The following AGPAT5 variants were observed in gnomAD, a reference collection of about 807,000 sequenced individuals.
AGPAT5 encodes 1-acyl-sn-glycerol-3-phosphate acyltransferase epsilon.
In AGPAT5, 46 loss-of-function variants were observed where a neutral mutation model predicts 45.6. That is an observed-to-expected ratio of 1.01 (90% CI 0.80 to 1.29). The LOEUF is 1.29. Ranked by LOEUF, AGPAT5 falls within the 50% of genes most tolerant of loss-of-function variation. AGPAT5 has a pLI of 0.00. For missense variants in AGPAT5, 673 were observed against 450.7 expected, an observed-to-expected ratio of 1.49 and a Z score of -4.47; for synonymous variants, 272 against 167.0, an observed-to-expected ratio of 1.63 and a Z score of -4.85.
At chr8:6,710,864 T>C (rs568070907) in intron 1 of AGPAT5, among the ~76,000 whole-genome samples, 2 of 152,322 alleles carry the variant, frequency 1.3e-5, no homozygotes, top group Admixed American at 6.5e-5. Context: ...GTCACTGAGA[T>C]GTTTTGATTA....
At chr8:6,746,945 C>T (rs1327869610) in intron 5 of AGPAT5, among the ~76,000 whole-genome samples, 1 of 152,134 alleles carries the variant, frequency 6.6e-6, no homozygotes, top group African/African-American at 2.4e-5. Flanking sequence ...GGGATTTGTT[C>T]TGGATAATTG....
chr8:6,734,738 GA>G (rs1442060922), intron 4 of AGPAT5, among the ~76,000 whole-genome samples: 2 of 152,004 alleles, frequency 1.3e-5, no homozygotes, highest in Non-Finnish European at 2.9e-5. Context: ...CCTGGAAATG[GA>G]TAGACTTGTC....
At chr8:6,717,978 A>C (rs1272790541) in intron 1 of AGPAT5, among the ~76,000 whole-genome samples, 1 of 152,216 alleles carries the variant, frequency 6.6e-6, no homozygotes. Flanking sequence ...TTTCTCTGCC[A>C]TTCCGTATGT....
intron 4 of AGPAT5, among the ~76,000 whole-genome samples, chr8:6,736,723 A>G (rs1801064616): frequency 6.6e-6 from 1 of 152,210 alleles, no homozygotes; most frequent in Non-Finnish European, 1.5e-5. Context: ...CGAGATTCTG[A>G]GTTGAAGGTG....
rs2116969727 is a variant in AGPAT5 at position 6,755,949 on chromosome 8, A to G, written c.869+775A>G. Among the ~76,000 whole-genome samples the G allele has an allele frequency of 2.6e-5, 4 of 152,358 alleles. No homozygotes were observed. The Middle Eastern group carries it at 0.01, about 389-fold the overall frequency. On this transcript the variant is annotated intron_variant, in intron 7 of 7. Coordinates refer to ENST00000285518, the MANE Select transcript of AGPAT5 (RefSeq NM_018361.5). ...CCCATGGAAGAAATTTAAAAGTAAG[A>G]TCTACATGTATTGACATGAAAATAT...
Position 6,735,433 on chromosome 8 carries a change from C to A in AGPAT5, c.495+2783C>A, listed in dbSNP as rs184493088. On this transcript the variant is annotated intron_variant, in intron 4 of 7. Coordinates refer to ENST00000285518, the MANE Select transcript of AGPAT5 (RefSeq NM_018361.5). ...GAGCCTGTGAAATGTGCTGCATTCTCCTTGTGTCTGTAGCCCAGGGGTTCG... is the reference window on the plus strand; with the variant it reads ...GAGCCTGTGAAATGTGCTGCATTCTACTTGTGTCTGTAGCCCAGGGGTTCG... Among the ~76,000 whole-genome samples the A allele has an allele frequency of 5.9e-5, 9 of 152,316 alleles. No individual in the cohort carries two copies. The East Asian group carries it at 1.7e-3, about 29-fold the overall frequency.
At chr8:6,716,203 A>C (rs1480737303) in intron 1 of AGPAT5, among the ~76,000 whole-genome samples, 1 of 152,148 alleles carries the variant, frequency 6.6e-6, no homozygotes, top group Non-Finnish European at 1.5e-5. Context: ...CAACATTGTA[A>C]CCTCTTGGAG....
At chr8:6,741,284 A>G (rs1053590528) in intron 4 of AGPAT5, among the ~76,000 whole-genome samples, 2 of 152,098 alleles carry the variant, frequency 1.3e-5, no homozygotes, top group Non-Finnish European at 2.9e-5. Context: ...GATTTCTAAA[A>G]TTTGTATTTC....
rs530859671 is a variant in AGPAT5, at chr8:6,732,629, C to T, written c.474C>T (p.Ser158=). The T allele has an allele frequency of 5.6e-6, 9 of 1,610,628 alleles. No homozygotes were observed. The highest frequency in any genetic ancestry group is 7.6e-6 in the Non-Finnish European group (9 of 1,179,042). ...AAGAGATGCGAAACAAGTTGCAGAG[C>T]TACGTGGACGCAGGAACTCCAGTAA... ...NEKEMRNKLQ[S]YVDAGTPMYL... The change falls in exon 4 of 8, where the codon AGC becomes AGT. Residue 158 remains serine (S), a synonymous_variant. Coordinates refer to ENST00000285518, the MANE Select transcript of AGPAT5 (RefSeq NM_018361.5).
chr8:6,733,261 G>C (rs60017431), intron 4 of AGPAT5, among the ~76,000 whole-genome samples: 1 of 152,184 alleles, frequency 6.6e-6, no homozygotes, highest in African/African-American at 2.4e-5. Context: ...TTCTCTTTCA[G>C]TACATGACAT....
chr8:6,727,663 G>A (rs1188527150), intron 2 of AGPAT5, among the ~76,000 whole-genome samples: 1 of 152,250 alleles, frequency 6.6e-6, no homozygotes, highest in Non-Finnish European at 1.5e-5. Context: ...TTACAGGCGT[G>A]AGCCACTGTG....
At chr8:6,749,657 TCTTTTAAA>T (rs1456912504) in intron 6 of AGPAT5, among the ~76,000 whole-genome samples, 1 of 152,252 alleles carries the variant, frequency 6.6e-6, no homozygotes, top group Non-Finnish European at 1.5e-5. Context: ...AATATTTTTC[TCTTTTAAA>T]CTATCGAAGG....
rs1249726237 is a variant in AGPAT5, at chr8:6,758,693, A to C, written c.*1305A>C. Reference sequence around the variant, plus strand: ...CATTAATATGTATCGCCTTAGAGCAAGAGCTGTGTTCCAGGAACCAGATCA... The same window carrying C: ...CATTAATATGTATCGCCTTAGAGCACGAGCTGTGTTCCAGGAACCAGATCA... On this transcript the variant is annotated 3_prime_UTR_variant, in exon 8 of 8. Coordinates refer to ENST00000285518, the MANE Select transcript of AGPAT5 (RefSeq NM_018361.5). 6.5e-6 allele frequency: 1 copy of C among 152,680 alleles called. No individual in the cohort carries two copies. The highest frequency in any genetic ancestry group is 1.5e-5 in the Non-Finnish European group (1 of 68,048). The allele number at this position is 152,680 out of a possible 1,614,324, so 9.5% of individuals were successfully genotyped here.
At chr8:6,716,321 G>A (rs1448931374) in intron 1 of AGPAT5, among the ~76,000 whole-genome samples, 1 of 152,076 alleles carries the variant, frequency 6.6e-6, no homozygotes, top group Non-Finnish European at 1.5e-5. Flanking sequence ...CATTTTGGGA[G>A]GCCAAGGAGG....
intron 5 of AGPAT5, among the ~76,000 whole-genome samples, chr8:6,746,915 C>T (rs1801489141): frequency 6.6e-6 from 1 of 152,176 alleles, no homozygotes; most frequent in Non-Finnish European, 1.5e-5. Context: ...ATCCTTAACC[C>T]TAGTAGGAAC....
At chr8:6,718,029 G>A (rs566071629) in intron 1 of AGPAT5, among the ~76,000 whole-genome samples, 6 of 152,126 alleles carry the variant, frequency 3.9e-5, no homozygotes, top group Non-Finnish European at 5.9e-5. Context: ...CAAGATTCTC[G>A]TCCTTAAATG....
chr8:6,724,293 C>T (rs997631216), intron 1 of AGPAT5, among the ~76,000 whole-genome samples: 1 of 152,304 alleles, frequency 6.6e-6, no homozygotes. Flanking sequence ...CCCAACAGGC[C>T]TCCAGGGTTA....
At chr8:6,734,780 G>A (rs1200084069) in intron 4 of AGPAT5, among the ~76,000 whole-genome samples, 1 of 151,946 alleles carries the variant, frequency 6.6e-6, no homozygotes, top group Non-Finnish European at 1.5e-5. Context: ...TTGAGGAGTG[G>A]AGTCAGTCCA....
At position 6,708,733 on chromosome 8, in the gene AGPAT5, T is replaced by A. The variant is rs751023249; in HGVS notation, c.65T>A (p.Leu22Gln). The A allele has an allele frequency of 6.2e-7, 1 of 1,607,472 alleles. No homozygotes were observed. The highest frequency in any genetic ancestry group is 1.1e-5 in the South Asian group (1 of 90,956). The change falls in exon 1 of 8, where the codon CTG (leucine) becomes CAG (glutamine). Residue 22 changes from leucine (L) to glutamine (Q), a missense_variant. Coordinates refer to ENST00000285518, the MANE Select transcript of AGPAT5 (RefSeq NM_018361.5). ...MRYLLPSVVL[L>Q]GTAPTYVLAW... The stretch of plus-strand genomic sequence containing the variant: ...TACCTGCTGCCCAGCGTCGTGCTCC[T>A]GGGCACGGCGCCCACCTACGTGTTG...
Sources: allele counts gnomAD v4.1 joint callset (sites outside exome capture counted in the v4.1 genomes callset), GRCh38; gene constraint gnomAD v4.1.1; transcripts MANE v1.5; gene names NCBI Gene and HGNC (gene_info 2026-07-23, HGNC 2026-07-21).